The following NCAM2 variants were observed in gnomAD, a reference collection of about 807,000 sequenced individuals.
NCAM2 encodes neural cell adhesion molecule 2.
A neutral mutation model predicts 98.1 loss-of-function variants in NCAM2; 30 were observed. The observed-to-expected ratio is 0.31, with a 90% CI of 0.23 to 0.41. The LOEUF (loss-of-function observed/expected upper bound fraction) is 0.41, where lower values mean the gene tolerates loss of function less well. Ranked by LOEUF, NCAM2 falls within the 10% of genes least tolerant of loss-of-function variation. The probability of loss-of-function intolerance (pLI) is 1.00; values close to 1 mark genes in which losing one functional copy is unlikely to be tolerated. For missense variants in NCAM2, 867 were observed against 1,005.8 expected (o/e 0.86, Z 1.87); for synonymous variants, 368 against 342.4 (o/e 1.07, Z -0.83).
intron 1 of NCAM2, among the ~76,000 whole-genome samples, chr21:21,067,646 C>G (rs1177384948): frequency 6.6e-6 from 1 of 152,120 alleles, no homozygotes; most frequent in Admixed American, 6.5e-5. Context: ...TTGTATAAAT[C>G]TAACATAATC....
At chr21:21,024,758 A>G (rs932123161) in intron 1 of NCAM2, among the ~76,000 whole-genome samples, 1 of 151,960 alleles carries the variant, frequency 6.6e-6, no homozygotes, top group Non-Finnish European at 1.5e-5. Flanking sequence ...ATGGTGGCGC[A>G]TGCCTGTAAT....
intron 15 of NCAM2, among the ~76,000 whole-genome samples, chr21:21,478,907 A>G (rs1985496949): frequency 6.6e-6 from 1 of 152,212 alleles, no homozygotes; most frequent in African/African-American, 2.4e-5. Context: ...TCTAAATAAG[A>G]ATGACTGAAT....
intron 1 of NCAM2, among the ~76,000 whole-genome samples, chr21:21,021,445 A>T (rs1021950681): frequency 2.0e-5 from 3 of 152,210 alleles, no homozygotes; most frequent in Admixed American, 1.3e-4. Flanking sequence ...GCCTGGAGAA[A>T]CAAGCCTTAG....
chr21:21,151,544 A>G (rs2067449270), intron 1 of NCAM2, among the ~76,000 whole-genome samples: 1 of 152,008 alleles, frequency 6.6e-6, no homozygotes, highest in African/African-American at 2.4e-5. Context: ...TTGTTGATTG[A>G]TTCCTGTTAA....
chr21:21,168,742 T>C (rs1313498093), intron 1 of NCAM2, among the ~76,000 whole-genome samples: 1 of 152,132 alleles, frequency 6.6e-6, no homozygotes, highest in Non-Finnish European at 1.5e-5. Context: ...TAAAAAAGTC[T>C]AAGAGCCATA....
chr21:21,448,835 T>C (rs1216558862), intron 12 of NCAM2, among the ~76,000 whole-genome samples: 1 of 152,000 alleles, frequency 6.6e-6, no homozygotes, highest in Non-Finnish European at 1.5e-5. Context: ...TGAAAGAAAA[T>C]TTGTTCTGAT....
In NCAM2 at chr21:21,432,096, C is replaced by T. The variant is rs565825914; in HGVS notation, c.1481-12C>T. On this transcript the variant is annotated splice_polypyrimidine_tract_variant and intron_variant, in intron 11 of 17. Coordinates refer to ENST00000400546, the MANE Select transcript of NCAM2 (RefSeq NM_004540.5). ...CCTTGGTTATGTTTTCTTTATATTT[C>T]TTTGTCCATAGACGTGCCATCCAGT... The T allele has an allele frequency of 6.2e-7, 1 of 1,608,874 alleles. No homozygotes were observed. Among genetic ancestry groups the T allele is most frequent in the Admixed American group, 1.7e-5 (1 of 59,560 alleles).
At chr21:21,194,809 A>C (rs954001728) in intron 1 of NCAM2, among the ~76,000 whole-genome samples, 3 of 152,180 alleles carry the variant, frequency 2.0e-5, no homozygotes, top group Non-Finnish European at 4.4e-5. Flanking sequence ...ACTGCAATCA[A>C]ATTACCTAAC....
intron 11 of NCAM2, among the ~76,000 whole-genome samples, chr21:21,425,072 A>G (rs1210883422): frequency 6.8e-6 from 1 of 147,738 alleles, no homozygotes; most frequent in Non-Finnish European, 1.5e-5. Flanking sequence ...AAAAAAATTC[A>G]TCATGTTTAC....
intron 1 of NCAM2, among the ~76,000 whole-genome samples, chr21:21,218,225 A>G (rs780961945): frequency 6.6e-5 from 10 of 152,202 alleles, no homozygotes; most frequent in Non-Finnish European, 1.2e-4. Flanking sequence ...TAGCTGATCC[A>G]AGAGCTGTTC....
At chr21:21,010,943 A>G (rs2064198466) in intron 1 of NCAM2, among the ~76,000 whole-genome samples, 1 of 152,100 alleles carries the variant, frequency 6.6e-6, no homozygotes, top group Admixed American at 6.6e-5. Flanking sequence ...TTCATCACCT[A>G]AAGGGGAATG....
intron 1 of NCAM2, among the ~76,000 whole-genome samples, chr21:21,180,166 G>A (rs2068423601): frequency 6.6e-6 from 1 of 152,110 alleles, no homozygotes; most frequent in Non-Finnish European, 1.5e-5. Flanking sequence ...AATGGGTGCT[G>A]AAAAGCTGTG....
chr21:21,450,205 A>G (rs1980814491), intron 12 of NCAM2, among the ~76,000 whole-genome samples: 1 of 152,072 alleles, frequency 6.6e-6, no homozygotes, highest in South Asian at 2.1e-4. Context: ...CACACTGAAT[A>G]AATGATTGAC....
At chr21:21,236,681 A>C (rs1029874720) in intron 1 of NCAM2, among the ~76,000 whole-genome samples, 1 of 152,028 alleles carries the variant, frequency 6.6e-6, no homozygotes, top group African/African-American at 2.4e-5. Context: ...GTATTTAATA[A>C]ACTTTTAGAT....
At chr21:21,474,813 A>G (rs1399283876) in intron 14 of NCAM2, among the ~76,000 whole-genome samples, 1 of 152,008 alleles carries the variant, frequency 6.6e-6, no homozygotes, top group Non-Finnish European at 1.5e-5. Flanking sequence ...TTATAAAAAT[A>G]CATGCTACAT....
At chr21:21,412,807 A>T (rs1273670761) in intron 10 of NCAM2, among the ~76,000 whole-genome samples, 1 of 152,142 alleles carries the variant, frequency 6.6e-6, no homozygotes, top group Non-Finnish European at 1.5e-5. Context: ...ATAACAAAAT[A>T]ACAATAATAT....
intron 1 of NCAM2, among the ~76,000 whole-genome samples, chr21:21,092,960 G>A (rs553509945): frequency 6.6e-6 from 1 of 152,116 alleles, no homozygotes; most frequent in African/African-American, 2.4e-5. Context: ...GCAACAATGA[G>A]TGGAATATCA....
intron 5 of NCAM2, among the ~76,000 whole-genome samples, chr21:21,322,576 G>T (rs1259407946): frequency 6.6e-6 from 1 of 152,136 alleles, no homozygotes; most frequent in African/African-American, 2.4e-5. Flanking sequence ...AAACAGAATT[G>T]GAATTGAATT....
At chr21:21,207,555 A>AT (rs34754486) in intron 1 of NCAM2, among the ~76,000 whole-genome samples, 152,213 of 152,216 alleles carry the variant, frequency 1, 76,105 homozygotes, top group Middle Eastern at 1. Flanking sequence ...CCCACAGAGA[A>AT]TTAATAAGGT....
Sources: gnomAD v4.1 joint callset for allele counts (sites outside exome capture counted in the v4.1 genomes callset) on GRCh38, gnomAD v4.1.1 for gene constraint, MANE v1.5 for transcripts, NCBI Gene and HGNC (gene_info 2026-07-23, HGNC 2026-07-21) for gene names.